The following NSMCE2 variants were observed in gnomAD, a reference collection of about 807,000 sequenced individuals.
NSMCE2 encodes the protein NSE2 SUMO ligase component of SMC5/6 complex.
Under a neutral mutation model 23.8 loss-of-function variants are expected in NSMCE2, and 24 were observed. The observed-to-expected ratio is 1.01, with a 90% CI of 0.73 to 1.42. The LOEUF (loss-of-function observed/expected upper bound fraction) is 1.42, where lower values mean the gene tolerates loss of function less well. Among genes scored for constraint, NSMCE2 ranks in the 40% most tolerant of loss-of-function variants. The pLI, the probability that NSMCE2 is intolerant of heterozygous loss-of-function variation, is 0.00. For synonymous variants in NSMCE2, 92 were observed against 94.1 expected (o/e 0.98, Z 0.13); for missense variants, 284 against 296.5 (o/e 0.96, Z 0.31).
At chr8:125,203,505 T>C (rs1823978001) in intron 5 of NSMCE2, among the ~76,000 whole-genome samples, 1 of 152,242 alleles carries the variant, frequency 6.6e-6, no homozygotes, top group Non-Finnish European at 1.5e-5. Flanking sequence ...TAATAGACTT[T>C]ATTCTTAAAT....
At chr8:125,250,099 C>T (rs1826141953) in intron 5 of NSMCE2, among the ~76,000 whole-genome samples, 1 of 152,134 alleles carries the variant, frequency 6.6e-6, no homozygotes, top group Non-Finnish European at 1.5e-5. Context: ...AAGCGATTCT[C>T]CTGCCTCAGC....
Position 125,234,141 on chromosome 8 carries a change from C to T in NSMCE2, c.418+51885C>T, listed in dbSNP as rs999797132. Among the ~76,000 whole-genome samples, 3 of 152,012 alleles carry T rather than the reference C, an allele frequency of 2.0e-5. No individual in the cohort carries two copies. In the East Asian group the frequency reaches 5.8e-4, roughly 29 times the overall value. On this transcript the variant is annotated intron_variant, in intron 5 of 7. Coordinates refer to ENST00000287437, the MANE Select transcript of NSMCE2 (RefSeq NM_173685.4). ...CCAGGAGGCAGAGGTTGCAGTGAGCCGAGATCCTGCCACTGCTCTCCAGCC... is the reference window on the plus strand; with the variant it reads ...CCAGGAGGCAGAGGTTGCAGTGAGCTGAGATCCTGCCACTGCTCTCCAGCC...
chr8:125,203,028 G>C (rs961672673), intron 5 of NSMCE2, among the ~76,000 whole-genome samples: 1 of 152,112 alleles, frequency 6.6e-6, no homozygotes, highest in Non-Finnish European at 1.5e-5. Flanking sequence ...CCTATGCTCT[G>C]ATGAAAACAT....
intron 3 of NSMCE2, among the ~76,000 whole-genome samples, chr8:125,138,909 A>G (rs1357482549): frequency 1.3e-5 from 2 of 152,188 alleles, no homozygotes; most frequent in Non-Finnish European, 2.9e-5. Flanking sequence ...AGGTGGAAGT[A>G]GTTAACCTCT....
At position 125,303,034 on chromosome 8, in the gene NSMCE2, G is replaced by A. The variant is rs937625245; in HGVS notation, c.419-54185G>A. Among the ~76,000 whole-genome samples, 5 of 152,174 alleles carry A rather than the reference G, an allele frequency of 3.3e-5. No homozygotes were observed. The East Asian group carries it at 9.6e-4, about 29-fold the overall frequency. The stretch of plus-strand genomic sequence containing the variant: ...CCCCGCATCTTCTGTTTCGCAAGCG[G>A]AGAGTCCTCACTCTTGCCATATTTA... On this transcript the variant is annotated intron_variant, in intron 5 of 7. Coordinates refer to ENST00000287437, the MANE Select transcript of NSMCE2 (RefSeq NM_173685.4).
At chr8:125,093,729 T>C (rs762224447) in intron 1 of NSMCE2, among the ~76,000 whole-genome samples, 1 of 151,336 alleles carries the variant, frequency 6.6e-6, no homozygotes, top group Non-Finnish European at 1.5e-5. Flanking sequence ...TCTCAAAAAA[T>C]AAATAAATAA....
intron 3 of NSMCE2, among the ~76,000 whole-genome samples, chr8:125,114,376 A>G (rs964166393): frequency 1.2e-4 from 18 of 152,238 alleles, no homozygotes; most frequent in Non-Finnish European, 2.1e-4. Context: ...AATAAATGAA[A>G]GAATGTGTTT....
chr8:125,239,214 A>T (rs1825670239), intron 5 of NSMCE2, among the ~76,000 whole-genome samples: 1 of 152,186 alleles, frequency 6.6e-6, no homozygotes, highest in South Asian at 2.1e-4. Flanking sequence ...GCATCAGAAC[A>T]CTCAAAAGTC....
At chr8:125,149,951 C>G (rs185094187) in intron 3 of NSMCE2, among the ~76,000 whole-genome samples, 2 of 152,082 alleles carry the variant, frequency 1.3e-5, no homozygotes, top group African/African-American at 2.4e-5. Context: ...TTAAGAGTGC[C>G]TTCTCCAGAA....
At chr8:125,267,055 A>C (rs1433143292) in intron 5 of NSMCE2, among the ~76,000 whole-genome samples, 1 of 121,282 alleles carries the variant, frequency 8.2e-6, no homozygotes, top group Non-Finnish European at 1.6e-5. Context: ...CCCAGGCAGT[A>C]GTGCAATGGC....
Position 125,215,752 on chromosome 8 carries a change from T to C in NSMCE2, c.418+33496T>C, listed in dbSNP as rs544243521. 7.2e-5 allele frequency among the ~76,000 whole-genome samples: 11 copies of C among 152,332 alleles called. No individual in the cohort carries two copies. The South Asian group carries it at 2.1e-3, about 29-fold the overall frequency. ...GGATCCAGTTTCAGCTTTCTACATA[T>C]GGGTAGCCAGTTTTCCCAGCACCAT... On this transcript the variant is annotated intron_variant, in intron 5 of 7. Transcript: ENST00000287437.
At chr8:125,357,901 A>G in intron 7 of NSMCE2, 83 bp downstream of exon 7, 1 of 893,618 alleles carries the variant, frequency 1.1e-6, no homozygotes, top group Admixed American at 2.1e-5. Flanking sequence ...AGGAAGAGGC[A>G]CTTCAATGTC....
intron 1 of NSMCE2, among the ~76,000 whole-genome samples, chr8:125,096,871 A>G (rs1817962125): frequency 6.6e-6 from 1 of 151,874 alleles, no homozygotes; most frequent in Non-Finnish European, 1.5e-5. Context: ...CGGCCTCCCA[A>G]AGTGCTGGGA....
At chr8:125,319,781 A>G (rs1829350702) in intron 5 of NSMCE2, among the ~76,000 whole-genome samples, 1 of 152,186 alleles carries the variant, frequency 6.6e-6, no homozygotes, top group Admixed American at 6.5e-5. Flanking sequence ...CAGGGAGTCA[A>G]ATATATGTTT....
intron 4 of NSMCE2, among the ~76,000 whole-genome samples, chr8:125,165,441 T>C (rs1208703598): frequency 6.6e-6 from 1 of 152,186 alleles, no homozygotes; most frequent in Non-Finnish European, 1.5e-5. Context: ...CAGAGTAAAA[T>C]ATATGGGAGA....
At chr8:125,092,864 T>C (rs969031797) in intron 1 of NSMCE2, among the ~76,000 whole-genome samples, 2 of 152,236 alleles carry the variant, frequency 1.3e-5, no homozygotes, top group African/African-American at 4.8e-5. Context: ...TGATGCACTA[T>C]TGACATTTTA....
At chr8:125,260,713 C>T (rs1826656197) in intron 5 of NSMCE2, among the ~76,000 whole-genome samples, 1 of 151,792 alleles carries the variant, frequency 6.6e-6, no homozygotes, top group South Asian at 2.1e-4. Context: ...CAACCTCCAC[C>T]TCCCAGGTTC....
At chr8:125,125,471 G>A (rs750100378) in intron 3 of NSMCE2, among the ~76,000 whole-genome samples, 6 of 152,226 alleles carry the variant, frequency 3.9e-5, no homozygotes, top group Non-Finnish European at 1.5e-5. Context: ...CACAGAACAT[G>A]AATAAGCAAG....
chr8:125,093,822 G>A (rs975269531), intron 1 of NSMCE2, among the ~76,000 whole-genome samples: 2 of 152,116 alleles, frequency 1.3e-5, no homozygotes, highest in South Asian at 2.1e-4. Context: ...TGGTGACAGC[G>A]TCTCACTCTT....
Sources: gnomAD v4.1 joint callset for allele counts (sites outside exome capture counted in the v4.1 genomes callset) on GRCh38, gnomAD v4.1.1 for gene constraint, MANE v1.5 for transcripts, NCBI Gene and HGNC (gene_info 2026-07-23, HGNC 2026-07-21) for gene names.